The following UPF2 variants were observed in gnomAD, a reference collection of about 807,000 sequenced individuals.
The protein encoded by UPF2 is UPF2 regulator of nonsense mediated mRNA decay, also known as regulator of nonsense transcripts 2.
In UPF2, 17 loss-of-function variants were observed where a neutral mutation model predicts 141.4. The ratio of observed to expected loss-of-function variants is 0.12; its 90% CI spans 0.08 to 0.18. UPF2 has a LOEUF of 0.18. UPF2 is among the 10% of genes least tolerant of loss of function. The probability of loss-of-function intolerance (pLI) is 1.00; values close to 1 mark genes in which losing one functional copy is unlikely to be tolerated. For missense variants in UPF2, 1,152 were observed against 1,515.9 expected, an observed-to-expected ratio of 0.76 and a Z score of 3.99; for synonymous variants, 540 against 498.0, an observed-to-expected ratio of 1.08 and a Z score of -1.12.
At position 11,938,852 on chromosome 10, in the gene UPF2, TG is replaced by T. The variant is rs370362956; in HGVS notation, c.3379-2141del. Among the ~76,000 whole-genome samples the T allele has an allele frequency of 2.1e-3, 240 of 114,018 alleles. 4 individuals are homozygous for T. The highest frequency in any genetic ancestry group is 4.2e-3 in the African/African-American group (108 of 25,490). The allele number at this position is 114,018 out of a possible 152,430, so 74.8% of individuals were successfully genotyped here. On this transcript the variant is annotated intron_variant, in intron 18 of 21. Transcript: ENST00000357604. ...TGTGGTCTTAAGCAAGTTTTTTTTTTGTTTTTTTTTTTTTTTTTTTTTTTTT... is the reference window on the plus strand; with the variant it reads ...TGTGGTCTTAAGCAAGTTTTTTTTTTTTTTTTTTTTTTTTTTTTTTTTTTT...
intron 2 of UPF2, among the ~76,000 whole-genome samples, chr10:12,030,707 C>T (rs886710626): frequency 2.0e-5 from 3 of 150,294 alleles, no homozygotes; most frequent in African/African-American, 4.9e-5. Flanking sequence ...CATGGTGAAA[C>T]GCCATCTCTA....
chr10:11,958,001 A>T (rs74733400), intron 12 of UPF2, among the ~76,000 whole-genome samples: 2,010 of 152,266 alleles, frequency 0.013, 22 homozygotes, highest in Non-Finnish European at 0.019. Flanking sequence ...TTTATGGTAA[A>T]GACTAGACAA....
In UPF2 at chr10:11,982,347, C is replaced by G. The variant is rs1302910869; in HGVS notation, c.1845-3182G>C. ...GAGTGAGGAGACCCAGGTATAAACT[C>G]TACAGCAGCAAACAGCATCTCCATG... is the stretch of plus-strand genomic sequence containing the variant. On this transcript the variant is annotated intron_variant, in intron 8 of 21. Coordinates refer to ENST00000357604, the MANE Select transcript of UPF2 (RefSeq NM_015542.4). 2.0e-5 allele frequency among the ~76,000 whole-genome samples: 3 copies of G among 152,246 alleles called. No individual in the cohort carries two copies. In the East Asian group the frequency reaches 5.8e-4, roughly 29 times the overall value.
chr10:11,996,689 T>C (rs1377129224), intron 8 of UPF2, among the ~76,000 whole-genome samples: 1 of 152,188 alleles, frequency 6.6e-6, no homozygotes, highest in East Asian at 1.9e-4. Context: ...CCATATGACT[T>C]CTTCAATTAC....
At chr10:12,027,625 C>G (rs186881727) in intron 3 of UPF2, among the ~76,000 whole-genome samples, 1 of 152,162 alleles carries the variant, frequency 6.6e-6, no homozygotes, top group African/African-American at 2.4e-5. Context: ...CAAGGATAAG[C>G]CTTTTCCTTT....
At chr10:12,036,949 CG>C (rs1834636507) in intron 1 of UPF2, among the ~76,000 whole-genome samples, 1 of 152,076 alleles carries the variant, frequency 6.6e-6, no homozygotes, top group Admixed American at 6.6e-5. Context: ...GGCTTGAACC[CG>C]GGAAGCGGAG....
In UPF2 at chr10:11,956,717, A is replaced by G. The variant is rs1833157320; in HGVS notation, c.2371-194T>C. 1.3e-5 allele frequency among the ~76,000 whole-genome samples: 2 copies of G among 152,176 alleles called. No individual in the cohort carries two copies. Among genetic ancestry groups the G allele is most frequent in the Admixed American group, 6.6e-5 (1 of 15,266 alleles). ...AATAAAATGTATTATCATCTTTCCT[A>G]AATCCTTCCATAGTGCTCTCAAATT... On this transcript the variant is annotated intron_variant, in intron 12 of 21. Transcript: ENST00000357604. This position sits in a 1 kb window ranked among gnomAD's most constrained non-coding sequence, Gnocchi z 4.2.
chr10:12,028,114 C>G (rs1834452506), intron 3 of UPF2, among the ~76,000 whole-genome samples: 1 of 152,104 alleles, frequency 6.6e-6, no homozygotes, highest in African/African-American at 2.4e-5. Context: ...TTTTAACAAC[C>G]AAAATTGGCC....
intron 5 of UPF2, among the ~76,000 whole-genome samples, chr10:12,003,652 G>A (rs962202928): frequency 5.3e-5 from 8 of 152,116 alleles, no homozygotes; most frequent in South Asian, 2.1e-4. Context: ...TAGGCTGAGC[G>A]CGGTGGCTCA....
At chr10:11,932,357 G>C (rs1202611095) in intron 19 of UPF2, among the ~76,000 whole-genome samples, 1 of 151,746 alleles carries the variant, frequency 6.6e-6, no homozygotes, top group Non-Finnish European at 1.5e-5. Context: ...TAATAAAATA[G>C]TATAAAACAT....
intron 21 of UPF2, among the ~76,000 whole-genome samples, chr10:11,926,933 C>T (rs868723877): frequency 3.3e-5 from 5 of 152,236 alleles, no homozygotes; most frequent in African/African-American, 4.8e-5. Context: ...TCTGTTCACA[C>T]GCACGTCGAT....
chr10:12,032,796 C>A (rs1834549308), intron 2 of UPF2, among the ~76,000 whole-genome samples: 1 of 151,014 alleles, frequency 6.6e-6, no homozygotes, highest in African/African-American at 2.4e-5. Context: ...CAAAACTAGG[C>A]ACTACTATAG....
intron 9 of UPF2, among the ~76,000 whole-genome samples, chr10:11,977,141 A>C (rs1280030550): frequency 6.6e-6 from 1 of 152,220 alleles, no homozygotes. Context: ...AGTAAATGTC[A>C]GGAGAAACAG....
chr10:11,972,576 C>T (rs1444131966), intron 9 of UPF2, among the ~76,000 whole-genome samples: 1 of 152,144 alleles, frequency 6.6e-6, no homozygotes, highest in Non-Finnish European at 1.5e-5. Flanking sequence ...TGTGCCCCTC[C>T]CTGTGTCCAA....
chr10:12,040,746 T>C (rs1009015620), intron 1 of UPF2, among the ~76,000 whole-genome samples: 6 of 152,172 alleles, frequency 3.9e-5, no homozygotes, highest in African/African-American at 1.4e-4. Flanking sequence ...GGCAACAACT[T>C]CTCTGAGTCC....
intron 10 of UPF2, among the ~76,000 whole-genome samples, chr10:11,964,551 T>C (rs1036259256): frequency 6.6e-6 from 1 of 152,186 alleles, no homozygotes. Flanking sequence ...CTCCTAATCA[T>C]TTACGCGTAT....
At chr10:12,003,520 G>A (rs1833985832) in intron 5 of UPF2, among the ~76,000 whole-genome samples, 1 of 152,188 alleles carries the variant, frequency 6.6e-6, no homozygotes, top group Non-Finnish European at 1.5e-5. Flanking sequence ...TGGCAAACCT[G>A]AGAGAAACTA....
chr10:12,028,191 A>G (rs1190987234), intron 3 of UPF2, among the ~76,000 whole-genome samples: 1 of 152,192 alleles, frequency 6.6e-6, no homozygotes, highest in Non-Finnish European at 1.5e-5. Flanking sequence ...TTTTAAATGA[A>G]TGCCCCCAGG....
intron 3 of UPF2, among the ~76,000 whole-genome samples, chr10:12,024,931 CAAAAAA>C (rs61678431): frequency 2.1e-4 from 11 of 53,486 alleles, no homozygotes; most frequent in African/African-American, 5.4e-4. Context: ...GACCCTGTTA[CAAAAAA>C]AAAAAAAAAA....
Sources: gnomAD v4.1 joint callset for allele counts (sites outside exome capture counted in the v4.1 genomes callset) on GRCh38, gnomAD v4.1.1 for gene constraint, Gnocchi (gnomAD v3.1) non-coding constraint, MANE v1.5 for transcripts, NCBI Gene and HGNC (gene_info 2026-07-23, HGNC 2026-07-21) for gene names.